MEI4: variants seen among roughly 807,000 people sequenced by gnomAD.
MEI4 encodes the protein meiotic double-stranded break formation protein 4.
In MEI4, 27 loss-of-function variants were observed where a neutral mutation model predicts 31.4. That is an observed-to-expected ratio of 0.86 (90% confidence interval 0.63 to 1.19). The LOEUF (loss-of-function observed/expected upper bound fraction) is 1.19. Ranked by LOEUF, MEI4 falls within the 50% of genes most tolerant of loss-of-function variation. MEI4 has a pLI of 0.00. For missense variants in MEI4, 329 were observed against 398.9 expected (o/e 0.82, Z 1.49); for synonymous variants, 122 against 145.4 (o/e 0.84, Z 1.16).
At chr6:77,834,393 TATATA>T (rs1261082853) in intron 4 of MEI4, among the ~76,000 whole-genome samples, 1 of 147,700 alleles carries the variant, frequency 6.8e-6, no homozygotes, top group Non-Finnish European at 1.5e-5. Flanking sequence ...TTATAAATTA[TATATA>T]ATATAAAATT....
chr6:77,799,181 C>T (rs1403379712), intron 3 of MEI4, among the ~76,000 whole-genome samples: 4 of 152,012 alleles, frequency 2.6e-5, no homozygotes, highest in Non-Finnish European at 5.9e-5. Flanking sequence ...TAATGATTGC[C>T]ATTCTAACTG....
chr6:77,677,010 G>A (rs937292372), intron 1 of MEI4, among the ~76,000 whole-genome samples: 6 of 152,084 alleles, frequency 3.9e-5, no homozygotes, highest in Non-Finnish European at 8.8e-5. Context: ...GTCATTGTAG[G>A]TAAAAATACA....
chr6:77,794,765 T>G (rs117014475), intron 3 of MEI4, among the ~76,000 whole-genome samples: 2,681 of 152,160 alleles, frequency 0.018, 33 homozygotes, highest in Middle Eastern at 0.031. Flanking sequence ...ACAGACATAT[T>G]TCATCTAACA....
chr6:77,672,222 A>G (rs1285170317), intron 1 of MEI4, among the ~76,000 whole-genome samples: 1 of 152,240 alleles, frequency 6.6e-6, no homozygotes, highest in African/African-American at 2.4e-5. Flanking sequence ...CTTTAGACCT[A>G]TGAATTATTG....
intron 2 of MEI4, among the ~76,000 whole-genome samples, chr6:77,759,002 G>C (rs568464835): frequency 2.6e-5 from 4 of 152,176 alleles, no homozygotes; most frequent in Non-Finnish European, 5.9e-5. Flanking sequence ...TAAGTTCTCT[G>C]TCTGCCACCC....
chr6:77,867,620 T>G (rs569263418), intron 4 of MEI4, among the ~76,000 whole-genome samples: 32 of 152,162 alleles, frequency 2.1e-4, no homozygotes, highest in African/African-American at 6.5e-4. Flanking sequence ...CTGTTGGTGG[T>G]ACTTTAAACT....
intron 3 of MEI4, among the ~76,000 whole-genome samples, chr6:77,789,615 A>G (rs1768856527): frequency 6.6e-6 from 1 of 152,234 alleles, no homozygotes; most frequent in South Asian, 2.1e-4. Flanking sequence ...GACACTTCTC[A>G]AAAGAAGACA....
chr6:77,786,364 T>C (rs1047470908), intron 3 of MEI4, among the ~76,000 whole-genome samples: 1 of 152,110 alleles, frequency 6.6e-6, no homozygotes, highest in Non-Finnish European at 1.5e-5. Flanking sequence ...AATAGAGTAA[T>C]ATATATTGAA....
At chr6:77,875,872 G>A (rs1477433357) in intron 4 of MEI4, among the ~76,000 whole-genome samples, 7 of 152,094 alleles carry the variant, frequency 4.6e-5, no homozygotes, top group South Asian at 2.1e-4. Flanking sequence ...ACTCTTCACG[G>A]GATTACTGAG....
chr6:77,769,451 C>G (rs898325939), intron 3 of MEI4, among the ~76,000 whole-genome samples: 2 of 152,140 alleles, frequency 1.3e-5, no homozygotes, highest in African/African-American at 4.8e-5. Context: ...AATTCCTGCA[C>G]AAGTCCTGGT....
At chr6:77,860,197 G>T (rs1770834899) in intron 4 of MEI4, among the ~76,000 whole-genome samples, 1 of 152,118 alleles carries the variant, frequency 6.6e-6, no homozygotes, top group African/African-American at 2.4e-5. Flanking sequence ...GATTTTTCTA[G>T]CCTTGTTCCA....
intron 2 of MEI4, among the ~76,000 whole-genome samples, chr6:77,734,137 A>G (rs1041986169): frequency 6.6e-6 from 1 of 151,906 alleles, no homozygotes; most frequent in African/African-American, 2.4e-5. Flanking sequence ...GTAGATGTCT[A>G]TTAGGTCCGC....
At chr6:77,739,198 G>GTT (rs147421251) in intron 2 of MEI4, among the ~76,000 whole-genome samples, 388 of 151,586 alleles carry the variant, frequency 2.6e-3, no homozygotes, top group African/African-American at 9.2e-3. Flanking sequence ...TTCTTCTAGG[G>GTT]TTTTTTTTGG....
At chr6:77,824,497 A>G (rs993549498) in intron 3 of MEI4, among the ~76,000 whole-genome samples, 1 of 152,194 alleles carries the variant, frequency 6.6e-6, no homozygotes, top group Admixed American at 6.5e-5. Flanking sequence ...ATTAAATGAT[A>G]CAGTATATGT....
chr6:77,905,736 T>A (rs1421722883), intron 4 of MEI4, among the ~76,000 whole-genome samples: 1 of 151,462 alleles, frequency 6.6e-6, no homozygotes, highest in African/African-American at 2.4e-5. Flanking sequence ...GACCTTGTGA[T>A]CTGCCCACCT....
At chr6:77,751,398 G>A (rs926040656) in intron 2 of MEI4, among the ~76,000 whole-genome samples, 2 of 151,938 alleles carry the variant, frequency 1.3e-5, no homozygotes. Flanking sequence ...AGAAAAGAGA[G>A]AAGAATCAAA....
intron 3 of MEI4, among the ~76,000 whole-genome samples, chr6:77,796,925 T>C (rs1012794599): frequency 4.6e-5 from 7 of 152,172 alleles, no homozygotes; most frequent in African/African-American, 1.7e-4. Flanking sequence ...TTACACTCCC[T>C]GTTTTGAAAC....
intron 2 of MEI4, among the ~76,000 whole-genome samples, chr6:77,694,422 C>A (rs1163350298): frequency 1.5e-4 from 23 of 151,126 alleles, no homozygotes; most frequent in Non-Finnish European, 2.2e-4. Context: ...TTCCCCCCAC[C>A]CCACAACAGA....
chr6:77,867,616 G>T (rs532416111), intron 4 of MEI4, among the ~76,000 whole-genome samples: 3 of 152,194 alleles, frequency 2.0e-5, no homozygotes, highest in Non-Finnish European at 4.4e-5. Context: ...TACACTGTTG[G>T]TGGTACTTTA....
Sources: gnomAD v4.1 joint callset for allele counts (sites outside exome capture counted in the v4.1 genomes callset) on GRCh38, gnomAD v4.1.1 for gene constraint, MANE v1.5 for transcripts, NCBI Gene and HGNC (gene_info 2026-07-23, HGNC 2026-07-21) for gene names.